Variants in RCC1 observed in about 807,000 individuals in gnomAD.
RCC1 encodes the protein regulator of chromosome condensation.
A neutral mutation model predicts 44.4 loss-of-function variants in RCC1; 11 were observed. The ratio of observed to expected loss-of-function variants is 0.25; its 90% CI spans 0.16 to 0.41. The LOEUF is 0.41. Among genes scored for constraint, RCC1 ranks in the 10% least tolerant of loss-of-function variants. RCC1 has a pLI of 1.00. For synonymous variants in RCC1, 213 were observed against 216.5 expected, an observed-to-expected ratio of 0.98 and a Z score of 0.14; for missense variants, 386 against 547.1, an observed-to-expected ratio of 0.71 and a Z score of 2.94.
chr1:28,537,826 T>C lies in RCC1; in HGVS notation c.1091-6T>C, dbSNP rs952840550. 6.2e-7 allele frequency: 1 copy of C among 1,610,344 alleles called. No individual in the cohort carries two copies. Among genetic ancestry groups the C allele is most frequent in the Non-Finnish European group, 8.5e-7 (1 of 1,178,740 alleles). ...AGACAGCTGTACCCATTTCTCTCTC[T>C]TGCAGGTCGTGTTTTCGCCTGGGGC... On this transcript the variant is annotated splice_region_variant and splice_polypyrimidine_tract_variant and intron_variant, in intron 12 of 12. Transcript: ENST00000683442.
intron 3 of RCC1, chr1:28,509,281 A>C (rs1194945456): frequency 5.3e-6 from 1 of 190,032 alleles, no homozygotes; most frequent in African/African-American, 2.4e-5. Context: ...TTATATTAAA[A>C]GTCCTTGAGT....
chr1:28,516,473 G>A (rs1165174811), intron 3 of RCC1, among the ~76,000 whole-genome samples: 1 of 148,744 alleles, frequency 6.7e-6, no homozygotes, highest in Non-Finnish European at 1.5e-5. Context: ...CTGCACTCCA[G>A]CCTGGGCAAC....
intron 4 of RCC1, chr1:28,526,330 C>T: frequency 3.2e-6 from 1 of 314,082 alleles, no homozygotes; most frequent in African/African-American, 2.2e-5. Flanking sequence ...TACTTGATGA[C>T]TCCATTGGGG....
intron 4 of RCC1, chr1:28,518,479 T>C (rs1663041854): frequency 6.7e-6 from 1 of 150,326 alleles, no homozygotes; most frequent in Non-Finnish European, 1.5e-5. Flanking sequence ...CGGTGCGGGC[T>C]CGCGATTCCC....
chr1:28,525,189 C>CA (rs1335988389), intron 4 of RCC1, among the ~76,000 whole-genome samples: 1 of 152,136 alleles, frequency 6.6e-6, no homozygotes, highest in Non-Finnish European at 1.5e-5. Flanking sequence ...CAGGGATTTT[C>CA]ACAGTGCTTT....
rs780561548 is a variant in RCC1, at chr1:28,530,610, G to A, written c.73+671G>A. 24 of 1,603,190 alleles carry A rather than the reference G, an allele frequency of 1.5e-5. No homozygotes were observed. In the Admixed American group the frequency reaches 3.7e-4, roughly 25 times the overall value. ...CCGAGCCCTCCTGACCAGAAAACCC[G>A]ACCAGGTGGCTCCGCGCCCGGGGCG... is the stretch of plus-strand genomic sequence containing the variant. On this transcript the variant is annotated intron_variant, in intron 5 of 12. Coordinates refer to ENST00000683442, the MANE Select transcript of RCC1 (RefSeq NM_001381865.2).
intron 4 of RCC1, chr1:28,527,006 G>A: frequency 4.8e-6 from 4 of 832,164 alleles, no homozygotes; most frequent in Non-Finnish European, 6.4e-6. Context: ...GACCACGGCT[G>A]TACCCTTAAA....
At chr1:28,510,199 G>C (rs1409189793) in intron 3 of RCC1, 1 of 152,396 alleles carries the variant, frequency 6.6e-6, no homozygotes, top group Non-Finnish European at 1.5e-5. Flanking sequence ...TGAGATTGGA[G>C]TTTGGTGGAC....
chr1:28,508,529 G>A (rs58859638), intron 2 of RCC1: 28,555 of 508,272 alleles, frequency 0.056, 2,794 homozygotes, highest in African/African-American at 0.3. Flanking sequence ...TGGATTTGTC[G>A]GTTACTCCAA....
At position 28,532,006 on chromosome 1, in the gene RCC1, T is replaced by A. The variant is rs906046219; in HGVS notation, c.261+16T>A. On this transcript the variant is annotated intron_variant, in intron 6 of 12. Transcript: ENST00000683442. ...AAGTGGCCAGGTAGGTGTTGGGGAC[T>A]GGCACAGGGTTGGACAAGGCCTGGG... 8 of 1,563,178 alleles carry A rather than the reference T, an allele frequency of 5.1e-6. No individual in the cohort carries two copies. Among genetic ancestry groups the A allele is most frequent in the Non-Finnish European group, 5.2e-6 (6 of 1,154,970 alleles).
At chr1:28,510,521 T>C (rs1250309762) in intron 3 of RCC1, 1 of 152,176 alleles carries the variant, frequency 6.6e-6, no homozygotes, top group Non-Finnish European at 1.5e-5. Flanking sequence ...GCAGAATTGC[T>C]GGAACCCGGG....
At chr1:28,535,538 C>G (rs780933711) in intron 9 of RCC1, 158 bp downstream of exon 9, 3 of 1,141,554 alleles carry the variant, frequency 2.6e-6, no homozygotes, top group Non-Finnish European at 3.8e-6. Context: ...GTTTTGCCAC[C>G]TACTGTCTAT....
intron 7 of RCC1, chr1:28,532,801 T>C (rs769454344): frequency 5.5e-5 from 24 of 440,206 alleles, no homozygotes; most frequent in African/African-American, 4.5e-4. Flanking sequence ...GGGTTTTTGT[T>C]GTTGTTGTTG....
chr1:28,535,676 T>A (rs964443922), intron 9 of RCC1, 195 bp from the exon 10 acceptor site: 1 of 764,806 alleles, frequency 1.3e-6, no homozygotes, highest in Non-Finnish European at 2.3e-6. Context: ...ACGTAAATGA[T>A]ACCCGTAATG....
In RCC1 at chr1:28,536,416, G is replaced by A; in HGVS notation, c.937+35G>A. On this transcript the variant is annotated intron_variant, in intron 11 of 12. Coordinates refer to ENST00000683442, the MANE Select transcript of RCC1 (RefSeq NM_001381865.2). The surrounding 1 kb of genome is among the most constrained non-coding windows in gnomAD (Gnocchi z 4.9). ...TTACGTCCTTCTCTAGTTTGGGGGTGGAGTGTTCCCTGGCCTAGGCCTAGC... is the reference window on the plus strand; with the variant it reads ...TTACGTCCTTCTCTAGTTTGGGGGTAGAGTGTTCCCTGGCCTAGGCCTAGC... 17 of 1,605,350 alleles carry A rather than the reference G, an allele frequency of 1.1e-5. No individual in the cohort carries two copies. The highest frequency in any genetic ancestry group is 1.4e-5 in the Non-Finnish European group (17 of 1,177,146).
intron 3 of RCC1, among the ~76,000 whole-genome samples, chr1:28,515,174 C>T (rs1662815369): frequency 6.6e-6 from 1 of 152,050 alleles, no homozygotes; most frequent in African/African-American, 2.4e-5. Flanking sequence ...CCTGTAATCC[C>T]AGCTACTCGG....
At chr1:28,517,035 C>T (rs1166930460) in intron 4 of RCC1, among the ~76,000 whole-genome samples, 168 bp downstream of exon 4, 4 of 151,746 alleles carry the variant, frequency 2.6e-5, no homozygotes, top group East Asian at 1.9e-4. Flanking sequence ...GCAGGAGAAT[C>T]GCTTGAACCT....
At chr1:28,512,085 C>T (rs1183156212) in intron 3 of RCC1, among the ~76,000 whole-genome samples, 1 of 150,648 alleles carries the variant, frequency 6.6e-6, no homozygotes, top group African/African-American at 2.4e-5. Context: ...AGCGATTCTC[C>T]TGCCTCAACC....
chr1:28,516,122 G>T (rs1188407280), intron 3 of RCC1, among the ~76,000 whole-genome samples: 1 of 151,944 alleles, frequency 6.6e-6, no homozygotes, highest in African/African-American at 2.4e-5. Context: ...GGAAGAGGTT[G>T]CAGTGAGCTG....
Sources: gnomAD v4.1 joint callset for allele counts (sites outside exome capture counted in the v4.1 genomes callset) on GRCh38, gnomAD v4.1.1 for gene constraint, Gnocchi (gnomAD v3.1) non-coding constraint, MANE v1.5 for transcripts, NCBI Gene and HGNC (gene_info 2026-07-23, HGNC 2026-07-21) for gene names.